The following RAD54B variants were observed in gnomAD, a reference collection of about 807,000 sequenced individuals.
RAD54B encodes DNA repair and recombination protein RAD54B.
A neutral mutation model predicts 95.8 loss-of-function variants in RAD54B; 78 were observed. The observed-to-expected ratio is 0.81, with a 90% CI of 0.68 to 0.98. The LOEUF (loss-of-function observed/expected upper bound fraction) is 0.98, where lower values mean the gene tolerates loss of function less well. Ranked by LOEUF, RAD54B falls within the 50% of genes least tolerant of loss-of-function variation. The pLI is 0.00. For synonymous variants in RAD54B, 328 were observed against 354.9 expected, an observed-to-expected ratio of 0.92 and a Z score of 0.85; for missense variants, 957 against 1,056.6, an observed-to-expected ratio of 0.91 and a Z score of 1.31.
At chr8:94,458,121 G>T (rs1285179946) in intron 3 of RAD54B, 147 bp downstream of exon 3, 1 of 661,734 alleles carries the variant, frequency 1.5e-6, no homozygotes, top group Non-Finnish European at 2.4e-6. Flanking sequence ...GATAAATTAT[G>T]ACAACAAAAA....
Position 94,378,561 on chromosome 8 carries a change from T to A in RAD54B, c.2314+7A>T. The A allele has an allele frequency of 6.3e-7, 1 of 1,597,890 alleles. No homozygotes were observed. Among genetic ancestry groups the A allele is most frequent in the Non-Finnish European group, 8.5e-7 (1 of 1,171,012 alleles). ...TATACATTTTTGTCACACTGAAGGG[T>A]TGTTACCTGTAGTTAGGAGTCTGTA... On this transcript the variant is annotated splice_region_variant and intron_variant, in intron 13 of 14. Coordinates refer to ENST00000336148, the MANE Select transcript of RAD54B (RefSeq NM_012415.3).
intron 3 of RAD54B, among the ~76,000 whole-genome samples, chr8:94,457,004 C>G (rs1278975428): frequency 6.6e-6 from 1 of 152,144 alleles, no homozygotes; most frequent in Non-Finnish European, 1.5e-5. Context: ...TCTTAACTCC[C>G]TTCTCAAATT....
intron 1 of RAD54B, among the ~76,000 whole-genome samples, chr8:94,471,416 C>T (rs557795902): frequency 1.3e-5 from 2 of 152,076 alleles, no homozygotes; most frequent in East Asian, 3.9e-4. Context: ...GGTGTATGTA[C>T]ATTTAAAAGA....
rs1811214718 is a variant in RAD54B at position 94,399,424 on chromosome 8, T to C, written c.1368A>G (p.Ile456Met). Residue 456 changes from isoleucine to methionine, a missense_variant, in exon 8 of 15, where the codon ATA becomes ATG. By Grantham distance (10) the Ile-to-Met change is conservative (BLOSUM62 1). Transcript: ENST00000336148. ...ALISLSCEKRIILTGTPIQND... is the reference protein window; with the variant it reads ...ALISLSCEKRMILTGTPIQND... ...AAACTGAATACTGACCAGTTAGAAT[T>C]ATTCTTTTCTCACAAGAAAGGCTAA... 3.1e-6 allele frequency: 5 copies of C among 1,612,988 alleles called. No homozygotes were observed. Among genetic ancestry groups the C allele is most frequent in the African/African-American group, 1.3e-5 (1 of 75,004 alleles).
intron 14 of RAD54B, chr8:94,373,185 A>G (rs1478234640): frequency 6.6e-6 from 1 of 152,260 alleles, no homozygotes; most frequent in African/African-American, 2.4e-5. Context: ...ATAGTCGAGC[A>G]ATTGATACGA....
intron 2 of RAD54B, among the ~76,000 whole-genome samples, chr8:94,466,784 TTAAA>T (rs1813035152): frequency 6.6e-6 from 1 of 152,226 alleles, no homozygotes; most frequent in African/African-American, 2.4e-5. Context: ...TTTTTCCTCT[TTAAA>T]TGACCTTAAA....
intron 2 of RAD54B, among the ~76,000 whole-genome samples, chr8:94,459,323 T>G (rs114278549): frequency 0.026 from 3,871 of 151,576 alleles, 178 homozygotes; most frequent in African/African-American, 0.088. Flanking sequence ...CAGCTAATGT[T>G]TTTTTTTCTG....
intron 2 of RAD54B, 116 bp from the exon 3 acceptor site, chr8:94,458,552 C>G: frequency 1.4e-6 from 1 of 717,312 alleles, no homozygotes. Context: ...TATATATAAA[C>G]TAGAACTAGA....
intron 3 of RAD54B, among the ~76,000 whole-genome samples, chr8:94,446,583 A>C (rs2130148359): frequency 6.6e-6 from 1 of 152,342 alleles, no homozygotes; most frequent in Non-Finnish European, 1.5e-5. Flanking sequence ...CATACCTCAG[A>C]GTAGTCCATG....
At chr8:94,463,313 G>A (rs754192214) in intron 2 of RAD54B, among the ~76,000 whole-genome samples, 1 of 149,018 alleles carries the variant, frequency 6.7e-6, no homozygotes, top group East Asian at 2.0e-4. Context: ...TACACAAATG[G>A]GTAATAAGCA....
Position 94,380,214 on chromosome 8 carries a change from T to C in RAD54B, c.2178A>G (p.Gly726=). ...FLLSSKAGGV[G]LNLIGGSHLI... ...AGTGAGATCCTCCAATGAGGTTAAG[T>C]CCTACACCACCAGCTTTTGAACTTA... Residue 726 remains glycine, a synonymous_variant, in exon 12 of 15, where the codon GGA becomes GGG. Coordinates refer to ENST00000336148, the MANE Select transcript of RAD54B (RefSeq NM_012415.3). 1 of 1,613,714 alleles carries C rather than the reference T, an allele frequency of 6.2e-7. No homozygotes were observed. Among genetic ancestry groups the C allele is most frequent in the Non-Finnish European group, 8.5e-7 (1 of 1,179,730 alleles).
chr8:94,461,297 C>T (rs1372989971), intron 2 of RAD54B, among the ~76,000 whole-genome samples: 2 of 150,230 alleles, frequency 1.3e-5, no homozygotes, highest in Non-Finnish European at 3.0e-5. Flanking sequence ...CTCAGCCTCC[C>T]GAGTAGCTGA....
chr8:94,428,945 A>G (rs1792740433), intron 3 of RAD54B: 41 of 983,536 alleles, frequency 4.2e-5, no homozygotes, highest in Non-Finnish European at 4.7e-5. Flanking sequence ...ATGGTCAAAT[A>G]AATAATTTTC....
rs1435865376 is a variant in RAD54B, at chr8:94,378,476, CAA to C, written c.2314+90_2314+91del. ...AGTAACATACTAGTTAATAAAATAA[CAA>C]TATATTCCTGACACTGAAGCACAGG... On this transcript the variant is annotated intron_variant, in intron 13 of 14. Transcript: ENST00000336148. 3 of 1,420,678 alleles carry C rather than the reference CAA, an allele frequency of 2.1e-6. No homozygotes were observed. The African/African-American group carries it at 4.4e-5, about 21-fold the overall frequency. The allele number at this position is 1,420,678 out of a possible 1,614,324, so 88.0% of individuals were successfully genotyped here. A position where few individuals can be genotyped will look rare whatever the true frequency, so the allele number is the denominator to read the frequency against.
rs920816553 is a variant in RAD54B at position 94,372,018 on chromosome 8, T to G, written c.*152A>C. 1 of 1,304,166 alleles carries G rather than the reference T, an allele frequency of 7.7e-7. No individual in the cohort carries two copies. The highest frequency in any genetic ancestry group is 2.7e-5 in the East Asian group (1 of 37,016). 80.8% of individuals were successfully genotyped at this position (1,304,166 alleles called of 1,614,324 possible). Reference sequence around the variant, plus strand: ...TAAACACTTAATATTTACAAAACATTAAACCACTCAATTTTGACTATTGTA... The same window carrying G: ...TAAACACTTAATATTTACAAAACATGAAACCACTCAATTTTGACTATTGTA... On this transcript the variant is annotated 3_prime_UTR_variant, in exon 15 of 15. Coordinates refer to ENST00000336148, the MANE Select transcript of RAD54B (RefSeq NM_012415.3).
intron 3 of RAD54B, among the ~76,000 whole-genome samples, chr8:94,419,674 G>A (rs544904993): frequency 6.7e-6 from 1 of 148,908 alleles, no homozygotes; most frequent in African/African-American, 2.5e-5. Context: ...AAGTTACGGG[G>A]CTGTTACAAT....
rs185304300 is a variant in RAD54B, at chr8:94,378,481, T to C, written c.2314+87A>G. On this transcript the variant is annotated intron_variant, in intron 13 of 14. Transcript: ENST00000336148. ...CATACTAGTTAATAAAATAACAATA[T>C]ATTCCTGACACTGAAGCACAGGCTA... The C allele has an allele frequency of 1.4e-5, 20 of 1,428,840 alleles. No individual in the cohort carries two copies. In the African/African-American group the frequency reaches 1.4e-4, roughly 10 times the overall value. 88.5% of individuals were successfully genotyped at this position (1,428,840 alleles called of 1,614,324 possible).
chr8:94,416,316 T>A (rs965914425), intron 3 of RAD54B, among the ~76,000 whole-genome samples: 1 of 151,180 alleles, frequency 6.6e-6, no homozygotes, highest in Non-Finnish European at 1.5e-5. Context: ...AATTGAACAA[T>A]GAGAACACAT....
intron 10 of RAD54B, among the ~76,000 whole-genome samples, chr8:94,390,302 C>A (rs553827663): frequency 6.8e-6 from 1 of 146,390 alleles, no homozygotes; most frequent in African/African-American, 2.5e-5. Flanking sequence ...GAGTTCGAGA[C>A]CAGCCTGGCC....
Sources: gnomAD v4.1 joint callset for allele counts (sites outside exome capture counted in the v4.1 genomes callset) on GRCh38, gnomAD v4.1.1 for gene constraint, MANE v1.5 for transcripts, NCBI Gene and HGNC (gene_info 2026-07-23, HGNC 2026-07-21) for gene names.